Variants in BMP6 observed in about 807,000 individuals in gnomAD.
BMP6 encodes bone morphogenetic protein 6.
A neutral mutation model predicts 54.1 loss-of-function variants in BMP6; 17 were observed. The ratio of observed to expected loss-of-function variants is 0.31; its 90% CI spans 0.22 to 0.47. The LOEUF (loss-of-function observed/expected upper bound fraction) is 0.47, where lower values mean the gene tolerates loss of function less well. BMP6 is among the 20% of genes least tolerant of loss of function. The pLI is 1.00. For synonymous variants in BMP6, 328 were observed against 291.2 expected, an observed-to-expected ratio of 1.13 and a Z score of -1.28; for missense variants, 720 against 690.4, an observed-to-expected ratio of 1.04 and a Z score of -0.48.
At chr6:7,787,290 C>T (rs984074346) in intron 1 of BMP6, among the ~76,000 whole-genome samples, 2 of 152,212 alleles carry the variant, frequency 1.3e-5, no homozygotes, top group Non-Finnish European at 2.9e-5. Flanking sequence ...TCTCTGGAAG[C>T]GCCTGAGTGA....
chr6:7,796,370 A>G lies in BMP6; in HGVS notation c.665-48770A>G, dbSNP rs192038003. Among the ~76,000 whole-genome samples the G allele has an allele frequency of 4.6e-3, 707 of 152,374 alleles. 1 individual carries two copies. Among genetic ancestry groups the G allele is most frequent in the Middle Eastern group, 0.01 (3 of 294 alleles). On this transcript the variant is annotated intron_variant, in intron 1 of 6. Coordinates refer to ENST00000283147, the MANE Select transcript of BMP6 (RefSeq NM_001718.6). ...CCAAACTGCCACCCTCGTGGCCAAG[A>G]TGGCCTTGATCCTGTCGCAGGAAAG...
intron 1 of BMP6, among the ~76,000 whole-genome samples, chr6:7,811,125 A>G (rs1160718887): frequency 2.0e-5 from 3 of 152,206 alleles, no homozygotes; most frequent in African/African-American, 7.2e-5. Context: ...CTCAAGGCTC[A>G]TACTCAAGGG....
At chr6:7,835,225 C>T (rs1009704220) in intron 1 of BMP6, among the ~76,000 whole-genome samples, 1 of 152,188 alleles carries the variant, frequency 6.6e-6, no homozygotes, top group Non-Finnish European at 1.5e-5. Context: ...CGGGTTCACG[C>T]CATTCTCCTG....
chr6:7,764,853 A>G (rs1009080675), intron 1 of BMP6, among the ~76,000 whole-genome samples: 1 of 152,072 alleles, frequency 6.6e-6, no homozygotes, highest in African/African-American at 2.4e-5. Flanking sequence ...CCCAAGGGAG[A>G]GTAGGGGAGT....
chr6:7,776,589 G>A (rs916326568), intron 1 of BMP6, among the ~76,000 whole-genome samples: 1 of 152,192 alleles, frequency 6.6e-6, no homozygotes, highest in East Asian at 1.9e-4. Context: ...TTGTTCCTAT[G>A]TGTGTCATTC....
intron 2 of BMP6, among the ~76,000 whole-genome samples, chr6:7,856,916 A>C (rs1020306315): frequency 2.0e-5 from 3 of 152,132 alleles, no homozygotes; most frequent in African/African-American, 7.2e-5. Context: ...TTTTCTATCA[A>C]AATGGTTAGT....
At chr6:7,879,901 A>T in intron 5 of BMP6, 90 bp from the exon 6 acceptor site, 1 of 1,363,438 alleles carries the variant, frequency 7.3e-7, no homozygotes, top group Non-Finnish European at 1.0e-6. Flanking sequence ...GTGCAATGTG[A>T]AAAATACCTT....
At chr6:7,869,812 G>T (rs1759490650) in intron 4 of BMP6, among the ~76,000 whole-genome samples, 1 of 152,218 alleles carries the variant, frequency 6.6e-6, no homozygotes, top group Admixed American at 6.5e-5. Context: ...GAACTGAGCA[G>T]ACTGTAGGAG....
chr6:7,836,240 T>G (rs1032627566), intron 1 of BMP6, among the ~76,000 whole-genome samples: 1 of 152,162 alleles, frequency 6.6e-6, no homozygotes, highest in African/African-American at 2.4e-5. Flanking sequence ...CCCTTTGTGC[T>G]AATAATATGT....
At position 7,726,123 on chromosome 6, in the gene BMP6, G is replaced by A. The variant is rs927894795; in HGVS notation, c.-833G>A. On this transcript the variant is annotated 5_prime_UTR_variant, in exon 1 of 7. Coordinates refer to ENST00000283147, the MANE Select transcript of BMP6 (RefSeq NM_001718.6). ...CAGAAAGCCCACGTTGGCCGCTGCG[G>A]GGAGCGCGGCGTGGAGAGGCGGGAG... Among the ~76,000 whole-genome samples the A allele has an allele frequency of 1.3e-5, 2 of 152,236 alleles. No homozygotes were observed. The highest frequency in any genetic ancestry group is 2.9e-5 in the Non-Finnish European group (2 of 68,044).
chr6:7,841,586 C>A (rs959374889), intron 1 of BMP6, among the ~76,000 whole-genome samples: 16 of 152,088 alleles, frequency 1.1e-4, no homozygotes, highest in Admixed American at 2.0e-4. Context: ...GAGTTCTGAG[C>A]AAACTTCAGT....
intron 4 of BMP6, among the ~76,000 whole-genome samples, chr6:7,873,541 T>G (rs965438364): frequency 6.6e-6 from 1 of 152,102 alleles, no homozygotes; most frequent in Non-Finnish European, 1.5e-5. Flanking sequence ...TCTGCACAAT[T>G]GAATCATTGG....
At chr6:7,764,890 C>T (rs994622992) in intron 1 of BMP6, among the ~76,000 whole-genome samples, 1 of 152,140 alleles carries the variant, frequency 6.6e-6, no homozygotes, top group African/African-American at 2.4e-5. Flanking sequence ...TTACTTTATG[C>T]CTGGAGATCT....
chr6:7,791,979 G>A (rs1056383891), intron 1 of BMP6, among the ~76,000 whole-genome samples: 1 of 151,592 alleles, frequency 6.6e-6, no homozygotes, highest in African/African-American at 2.4e-5. Context: ...CAGAGAAACA[G>A]GACCAATTGG....
In BMP6 at chr6:7,802,793, G is replaced by T. The variant is rs561487359; in HGVS notation, c.665-42347G>T. Among the ~76,000 whole-genome samples, 3 of 152,302 alleles carry T rather than the reference G, an allele frequency of 2.0e-5. No homozygotes were observed. The South Asian group carries it at 6.2e-4, about 32-fold the overall frequency. ...CCTCATCCCAGAGAGACATTCTTAG[G>T]CAATTGCCTTCTTTCCAGATGGTGA... On this transcript the variant is annotated intron_variant, in intron 1 of 6. Coordinates refer to ENST00000283147, the MANE Select transcript of BMP6 (RefSeq NM_001718.6).
At chr6:7,843,959 A>G (rs1448176759) in intron 1 of BMP6, among the ~76,000 whole-genome samples, 5 of 152,228 alleles carry the variant, frequency 3.3e-5, no homozygotes, top group Non-Finnish European at 7.3e-5. Context: ...TGATATACTA[A>G]TACATATACA....
intron 1 of BMP6, among the ~76,000 whole-genome samples, chr6:7,739,864 A>G (rs935983093): frequency 2.0e-5 from 3 of 151,816 alleles, no homozygotes; most frequent in Admixed American, 6.6e-5. Context: ...TTTTTTCCCT[A>G]CTGGGCTATT....
At chr6:7,733,507 C>A (rs930971533) in intron 1 of BMP6, among the ~76,000 whole-genome samples, 5 of 152,064 alleles carry the variant, frequency 3.3e-5, no homozygotes, top group African/African-American at 1.2e-4. Flanking sequence ...ACCATCCTGT[C>A]CCCCCCTCCC....
intron 1 of BMP6, among the ~76,000 whole-genome samples, chr6:7,743,665 A>T (rs1040149511): frequency 2.6e-5 from 4 of 152,192 alleles, no homozygotes; most frequent in Admixed American, 1.3e-4. Context: ...TCAGAATCAA[A>T]ACTTCTCCTG....
Sources: gnomAD v4.1 joint callset for allele counts (sites outside exome capture counted in the v4.1 genomes callset) on GRCh38, gnomAD v4.1.1 for gene constraint, MANE v1.5 for transcripts, NCBI Gene and HGNC (gene_info 2026-07-23, HGNC 2026-07-21) for gene names.